ARHGEF3: variants seen among roughly 807,000 people sequenced by gnomAD.
ARHGEF3 encodes 59.8 kDA protein.
ARHGEF3 carries 28 observed loss-of-function variants against 63.2 expected under a neutral mutation model. The observed-to-expected ratio is 0.44, with a 90% CI of 0.33 to 0.61. ARHGEF3 has a LOEUF of 0.61. Among genes scored for constraint, ARHGEF3 ranks in the 20% least tolerant of loss-of-function variants. ARHGEF3 has a pLI of 0.03. For missense variants in ARHGEF3, 533 were observed against 659.3 expected (o/e 0.81, Z 2.10); for synonymous variants, 266 against 254.2 (o/e 1.05, Z -0.44).
chr3:56,971,234 G>A (rs1367281539), intron 2 of ARHGEF3, among the ~76,000 whole-genome samples: 1 of 152,158 alleles, frequency 6.6e-6, no homozygotes, highest in Non-Finnish European at 1.5e-5. Context: ...TTCAGAGAGA[G>A]ACAGAGAAGA....
At chr3:56,895,700 T>C (rs998325845) in intron 3 of ARHGEF3, among the ~76,000 whole-genome samples, 1 of 152,124 alleles carries the variant, frequency 6.6e-6, no homozygotes, top group Non-Finnish European at 1.5e-5. Flanking sequence ...CCTGACCTTG[T>C]GATCCACCTG....
At chr3:57,010,399 T>C (rs892843858) in intron 2 of ARHGEF3, among the ~76,000 whole-genome samples, 5 of 141,980 alleles carry the variant, frequency 3.5e-5, no homozygotes, top group African/African-American at 1.3e-4. Context: ...GAGCTTGCAG[T>C]GAGCCGAGAT....
intron 1 of ARHGEF3, chr3:56,775,615 A>T (rs1479958231): frequency 2.0e-6 from 2 of 985,600 alleles, no homozygotes; most frequent in Non-Finnish European, 2.4e-6. Context: ...ATTGCGTGAC[A>T]ATGATTTAAG....
At chr3:56,867,240 A>G (rs2040280427) in intron 4 of ARHGEF3, among the ~76,000 whole-genome samples, 1 of 152,230 alleles carries the variant, frequency 6.6e-6, no homozygotes, top group Admixed American at 6.5e-5. Context: ...TAGCCACTCA[A>G]TCATTTATCC....
At chr3:56,797,769 C>A (rs1368935259) in intron 1 of ARHGEF3, among the ~76,000 whole-genome samples, 2 of 152,130 alleles carry the variant, frequency 1.3e-5, no homozygotes, top group African/African-American at 2.4e-5. Flanking sequence ...TAAAGGATAC[C>A]TTCTCAGTTA....
chr3:56,872,756 C>T (rs1203175810), intron 4 of ARHGEF3, among the ~76,000 whole-genome samples: 1 of 152,168 alleles, frequency 6.6e-6, no homozygotes, highest in Non-Finnish European at 1.5e-5. Context: ...AGTTCACCCG[C>T]CTCAGCCTCC....
At chr3:56,854,148 T>C (rs1182534957) in intron 4 of ARHGEF3, among the ~76,000 whole-genome samples, 2 of 151,972 alleles carry the variant, frequency 1.3e-5, no homozygotes, top group African/African-American at 4.8e-5. Flanking sequence ...TGAGCCGAGA[T>C]GGCGCCACTG....
At chr3:56,972,380 A>C (rs1700951755) in intron 2 of ARHGEF3, among the ~76,000 whole-genome samples, 1 of 152,136 alleles carries the variant, frequency 6.6e-6, no homozygotes, top group Non-Finnish European at 1.5e-5. Flanking sequence ...CCAAGTACAT[A>C]ATAAATGTTG....
chr3:56,885,072 C>G (rs984120844), intron 3 of ARHGEF3, among the ~76,000 whole-genome samples: 1 of 152,154 alleles, frequency 6.6e-6, no homozygotes, highest in Admixed American at 6.5e-5. Flanking sequence ...GAGCACTGTA[C>G]TGAGAAGGAC....
chr3:56,829,664 C>A (rs1296168851), intron 4 of ARHGEF3, among the ~76,000 whole-genome samples: 1 of 152,206 alleles, frequency 6.6e-6, no homozygotes, highest in Non-Finnish European at 1.5e-5. Context: ...GAAATTCCAA[C>A]ACATATTTCT....
intron 4 of ARHGEF3, among the ~76,000 whole-genome samples, chr3:56,845,182 T>A (rs1369361892): frequency 1.3e-5 from 2 of 152,184 alleles, no homozygotes; most frequent in Non-Finnish European, 2.9e-5. Flanking sequence ...CCTTCCCCAG[T>A]CAAACCTCAG....
At position 56,996,967 on chromosome 3, in the gene ARHGEF3, G is replaced by C. The variant is rs1212079938; in HGVS notation, c.63-38078C>G. 6.0e-5 allele frequency among the ~76,000 whole-genome samples: 9 copies of C among 149,792 alleles called. No homozygotes were observed. The East Asian group carries it at 1.8e-3, about 30-fold the overall frequency. On this transcript the variant is annotated intron_variant, in intron 2 of 12. Coordinates refer to the ARHGEF3 transcript ENST00000338458. The stretch of plus-strand genomic sequence containing the variant: ...TTACTGTATTTTATGTGTGGCCCAA[G>C]ACAATTATTCTTCTTCCAATGTGGC...
At chr3:56,946,969 T>C (rs2106645299) in intron 3 of ARHGEF3, among the ~76,000 whole-genome samples, 1 of 152,302 alleles carries the variant, frequency 6.6e-6, no homozygotes, top group East Asian at 1.9e-4. Context: ...TGGGGGCCAA[T>C]ATTCGACATT....
At chr3:57,029,335 C>A (rs1703626974) in intron 2 of ARHGEF3, among the ~76,000 whole-genome samples, 1 of 151,882 alleles carries the variant, frequency 6.6e-6, no homozygotes, top group Admixed American at 6.6e-5. Context: ...TAGGCTGAGG[C>A]AGGAGAATCA....
intron 4 of ARHGEF3, among the ~76,000 whole-genome samples, chr3:56,839,964 G>T (rs1414150684): frequency 6.6e-6 from 1 of 152,126 alleles, no homozygotes; most frequent in Non-Finnish European, 1.5e-5. Context: ...ATCCTCCTGG[G>T]AATGACTTCA....
chr3:56,890,675 A>G (rs1199745533), intron 3 of ARHGEF3, among the ~76,000 whole-genome samples: 1 of 152,170 alleles, frequency 6.6e-6, no homozygotes, highest in Admixed American at 6.5e-5. Flanking sequence ...TCACATTTGC[A>G]CTGTGTCGTT....
intron 3 of ARHGEF3, among the ~76,000 whole-genome samples, chr3:56,910,803 G>C (rs2041834355): frequency 2.0e-5 from 3 of 152,156 alleles, no homozygotes; most frequent in Non-Finnish European, 4.4e-5. Flanking sequence ...CATAATCATA[G>C]TGAGCATTTT....
intron 2 of ARHGEF3, among the ~76,000 whole-genome samples, chr3:57,002,462 C>CTATATATATATATA (rs1165862414): frequency 1.3e-4 from 5 of 38,686 alleles, no homozygotes; most frequent in African/African-American, 3.4e-4. Context: ...GTTCTAAGCA[C>CTATATATATATATA]TATATATATA....
intron 3 of ARHGEF3, among the ~76,000 whole-genome samples, chr3:56,885,128 C>A (rs1039235154): frequency 4.6e-5 from 7 of 152,182 alleles, no homozygotes; most frequent in African/African-American, 1.7e-4. Flanking sequence ...CAATCAGCAA[C>A]ACGTGCTGGG....
Sources: allele counts gnomAD v4.1 joint callset (sites outside exome capture counted in the v4.1 genomes callset), GRCh38; gene constraint gnomAD v4.1.1; transcripts MANE v1.5; gene names NCBI Gene and HGNC (gene_info 2026-07-23, HGNC 2026-07-21).